The following ASGR1 variants were observed in gnomAD, a reference collection of about 807,000 sequenced individuals.
ASGR1 encodes C-type lectin domain family 4 member H1.
In ASGR1, 35 loss-of-function variants were observed where a neutral mutation model predicts 33.1. That is an observed-to-expected ratio of 1.06 (90% confidence interval 0.81 to 1.40). ASGR1 has a LOEUF of 1.40. Among genes scored for constraint, ASGR1 ranks in the 40% most tolerant of loss-of-function variants. The pLI is 0.00. For synonymous variants in ASGR1, 142 were observed against 152.5 expected (o/e 0.93, Z 0.51); for missense variants, 396 against 373.7 (o/e 1.06, Z -0.49).
chr17:7,174,407 G>A lies in ASGR1; in HGVS notation c.409C>T (p.Leu137=). ...VKQFVSDLRS[L]SCQMAALQGN... ...TGGAGCGCCGCCATCTGACAGCTCA[G>A]GCTCCGCAGGTCAGACACGAACTGC... Residue 137 remains leucine (L), a synonymous_variant, in exon 6 of 9, where the codon CTG becomes TTG. Transcript: ENST00000269299. 1.2e-6 allele frequency: 2 copies of A among 1,613,948 alleles called. No homozygotes were observed. The highest frequency in any genetic ancestry group is 1.7e-6 in the Non-Finnish European group (2 of 1,179,954).
intron 3 of ASGR1, 43 bp from the exon 4 acceptor site, chr17:7,177,119 T>C: frequency 1.2e-6 from 2 of 1,613,276 alleles, no homozygotes; most frequent in Non-Finnish European, 1.7e-6. Context: ...GGGATCGCTG[T>C]GTCCGCCACC....
intron 5 of ASGR1, among the ~76,000 whole-genome samples, chr17:7,175,604 TCACA>T (rs367801046): frequency 1.1e-4 from 17 of 150,778 alleles, no homozygotes; most frequent in Non-Finnish European, 2.5e-4. Context: ...ACTTACATTC[TCACA>T]CACGCAACAC....
intron 1 of ASGR1, 177 bp from the exon 2 acceptor site, chr17:7,178,765 T>A: frequency 2.1e-6 from 1 of 484,728 alleles, no homozygotes; most frequent in East Asian, 3.4e-5. Flanking sequence ...TGAGAGGGAG[T>A]CTTGCTCTGT....
chr17:7,176,729 TTC>T, intron 5 of ASGR1, 99 bp downstream of exon 5: 1 of 1,471,784 alleles, frequency 6.8e-7, no homozygotes. Context: ...CTCCCTCTCA[TTC>T]TCACACACAT....
intron 5 of ASGR1, 148 bp downstream of exon 5, chr17:7,176,680 TCC>T: frequency 8.9e-7 from 1 of 1,119,752 alleles, no homozygotes; most frequent in Non-Finnish European, 1.2e-6. Flanking sequence ...CAAAACACAC[TCC>T]CCCTCATTCT....
chr17:7,174,531 C>T lies in ASGR1; in HGVS notation c.356-71G>A, dbSNP rs542160666. The T allele has an allele frequency of 5.6e-5, 84 of 1,499,824 alleles. 1 individual carries two copies. In the East Asian group the frequency reaches 1.9e-3, roughly 35 times the overall value. 92.9% of individuals were successfully genotyped at this position (1,499,824 alleles called of 1,614,324 possible). A position where few individuals can be genotyped will look rare whatever the true frequency, so the allele number is the denominator to read the frequency against. On this transcript the variant is annotated intron_variant, in intron 5 of 8. Coordinates refer to ENST00000269299, the MANE Select transcript of ASGR1 (RefSeq NM_001671.5). The stretch of plus-strand genomic sequence containing the variant: ...CGGGGAGGGAAACGGGAAACGAGGT[C>T]AGCCCTACATCCTCCTGCTGGGACC...
At position 7,173,439 on chromosome 17, in the gene ASGR1, T is replaced by C; in HGVS notation, c.*220A>G. The C allele has an allele frequency of 1.8e-6, 1 of 558,514 alleles. No individual in the cohort carries two copies. The highest frequency in any genetic ancestry group is 3.0e-5 in the East Asian group (1 of 33,686). The allele number at this position is 558,514 out of a possible 1,614,324, so 34.6% of individuals were successfully genotyped here. On this transcript the variant is annotated 3_prime_UTR_variant, in exon 9 of 9. Coordinates refer to ENST00000269299, the MANE Select transcript of ASGR1 (RefSeq NM_001671.5). The surrounding 1 kb of genome is among the most constrained non-coding windows in gnomAD (Gnocchi z 4.7). ...AGACAACTAACAGAAGGTTTAGGTATATTTCTTTTTACTCTTAAAAAAAAA... is the reference window on the plus strand; with the variant it reads ...AGACAACTAACAGAAGGTTTAGGTACATTTCTTTTTACTCTTAAAAAAAAA...
At chr17:7,174,488 G>C (rs557931051) in intron 5 of ASGR1, 28 bp from the exon 6 acceptor site, 1 of 1,602,738 alleles carries the variant, frequency 6.2e-7, no homozygotes, top group Non-Finnish European at 8.5e-7. Context: ...AGGGGAGCGG[G>C]AGGAGATGCG....
chr17:7,177,182 GC>G lies in ASGR1; in HGVS notation c.187+27del, dbSNP rs1283529739. 3 of 1,604,210 alleles carry G rather than the reference GC, an allele frequency of 1.9e-6. No homozygotes were observed. In the South Asian group the frequency reaches 3.3e-5, roughly 18 times the overall value. On this transcript the variant is annotated intron_variant, in intron 3 of 8. Coordinates refer to ENST00000269299, the MANE Select transcript of ASGR1 (RefSeq NM_001671.5). Reference sequence around the variant, plus strand: ...TCCCCCGTCAACACCCCCCAATGTTGCCCCCTTCCCACCCCTGGGGCACCCA... The same window carrying G: ...TCCCCCGTCAACACCCCCCAATGTTGCCCCTTCCCACCCCTGGGGCACCCA...
Position 7,177,131 on chromosome 17 carries a change from C to G in ASGR1, c.188-55G>C, listed in dbSNP as rs886787481. On this transcript the variant is annotated intron_variant, in intron 3 of 8. Transcript: ENST00000269299. ...AACGGGATCGCTGTGTCCGCCACCA[C>G]TGCACCCACCACTCCCTTGCCACGG... The G allele has an allele frequency of 9.3e-6, 15 of 1,612,938 alleles. No homozygotes were observed. The African/African-American group carries it at 1.3e-4, about 14-fold the overall frequency.
intron 5 of ASGR1, among the ~76,000 whole-genome samples, chr17:7,176,007 A>AAC (rs138826529): frequency 0.11 from 15,341 of 142,402 alleles, 1,757 homozygotes; most frequent in African/African-American, 0.29. Context: ...CTCACACATA[A>AAC]ACACAGACTC....
At chr17:7,176,216 CACAA>C (rs1188817282) in intron 5 of ASGR1, among the ~76,000 whole-genome samples, 20 of 137,682 alleles carry the variant, frequency 1.5e-4, no homozygotes, top group Middle Eastern at 4.0e-3. Flanking sequence ...TTCTCACACT[CACAA>C]ACACACACAC....
In ASGR1 at chr17:7,174,007, C is replaced by T; in HGVS notation, c.655G>A (p.Gly219Arg). 2.5e-6 allele frequency: 4 copies of T among 1,614,214 alleles called. No individual in the cohort carries two copies. Among genetic ancestry groups the T allele is most frequent in the Non-Finnish European group, 3.4e-6 (4 of 1,180,002 alleles). ...GTCCCGTCCACCCACTTCCAGGGCC[C>T]GTTTTGGTCGTGGAGGCCCATCCAG... Reference protein sequence around the residue: ...NTWMGLHDQNGPWKWVDGTDY... With the variant: ...NTWMGLHDQNRPWKWVDGTDY... Residue 219 changes from glycine (G) to arginine (R), a missense_variant, in exon 8 of 9, where the codon GGG becomes AGG. By Grantham distance (125) the Gly-to-Arg change is moderately radical. Coordinates refer to ENST00000269299, the MANE Select transcript of ASGR1 (RefSeq NM_001671.5).
At chr17:7,175,412 C>CACACACCCTCACCCACAT (rs1491082764) in intron 5 of ASGR1, among the ~76,000 whole-genome samples, 2 of 149,070 alleles carry the variant, frequency 1.3e-5, no homozygotes, top group East Asian at 4.0e-4. Context: ...CACACAGGCA[C>CACACACCCTCACCCACAT]ACACACCCTC....
chr17:7,176,527 C>CCCCA (rs142122735), intron 5 of ASGR1: 2 of 415,292 alleles, frequency 4.8e-6, no homozygotes, highest in East Asian at 5.2e-5. Context: ...CCTCTCATTC[C>CCCCA]CACACACACA....
intron 5 of ASGR1, among the ~76,000 whole-genome samples, chr17:7,176,295 A>T (rs551750416): frequency 5.2e-5 from 7 of 134,802 alleles, no homozygotes; most frequent in Non-Finnish European, 1.1e-4. Context: ...TCATTCTCAC[A>T]CTCACAGACT....
intron 5 of ASGR1, among the ~76,000 whole-genome samples, chr17:7,175,618 CACTA>C (rs939948468): frequency 4.6e-5 from 7 of 151,366 alleles, no homozygotes; most frequent in Admixed American, 2.6e-4. Context: ...ACACGCAACA[CACTA>C]ACACACACGT....
intron 5 of ASGR1, among the ~76,000 whole-genome samples, chr17:7,175,935 C>T (rs1023637985): frequency 7.1e-6 from 1 of 140,068 alleles, no homozygotes; most frequent in Admixed American, 7.2e-5. Flanking sequence ...TCTCATTCCC[C>T]CACACACGCA....
intron 1 of ASGR1, chr17:7,178,803 C>G (rs2069246596): frequency 2.7e-6 from 1 of 372,390 alleles, no homozygotes; most frequent in Non-Finnish European, 4.7e-6. Context: ...GTGGCATGAT[C>G]TCAGCTTACT....
Sources: gnomAD v4.1 joint callset for allele counts (sites outside exome capture counted in the v4.1 genomes callset) on GRCh38, gnomAD v4.1.1 for gene constraint, Gnocchi (gnomAD v3.1) non-coding constraint, MANE v1.5 for transcripts, NCBI Gene and HGNC (gene_info 2026-07-23, HGNC 2026-07-21) for gene names.